Variants in MAOB observed in about 807,000 individuals in gnomAD.
The protein encoded by MAOB is amine oxidase [flavin-containing] B.
MAOB carries 15 observed loss-of-function variants against 41.9 expected under a neutral mutation model. That is an observed-to-expected ratio of 0.36 (90% CI 0.24 to 0.55). MAOB has a LOEUF of 0.55. Among genes scored for constraint, MAOB ranks in the 20% least tolerant of loss-of-function variants. The probability of loss-of-function intolerance (pLI) is 0.86; values close to 1 mark genes in which losing one functional copy is unlikely to be tolerated. For missense variants in MAOB, 345 were observed against 398.7 expected, an observed-to-expected ratio of 0.87 and a Z score of 1.15; for synonymous variants, 167 against 144.2, an observed-to-expected ratio of 1.16 and a Z score of -1.13.
intron 3 of MAOB, among the ~76,000 whole-genome samples, chrX:43,813,341 G>A (rs1267032625): frequency 8.9e-6 from 1 of 112,382 alleles, no homozygotes; most frequent in African/African-American, 3.2e-5. Context: ...ATAGGGTTGA[G>A]TAACTTGTCC....
At chrX:43,836,278 T>C (rs1260063944) in intron 3 of MAOB, among the ~76,000 whole-genome samples, 1 of 111,950 alleles carries the variant, frequency 8.9e-6, no homozygotes, top group Non-Finnish European at 1.9e-5. Flanking sequence ...AAGATGCTTT[T>C]TACAGGTCAA....
intron 3 of MAOB, among the ~76,000 whole-genome samples, chrX:43,813,305 C>A (rs1354120205): frequency 8.9e-6 from 1 of 112,216 alleles, no homozygotes; most frequent in Non-Finnish European, 1.9e-5. Context: ...CTGATAGTTT[C>A]ATCTTGCAGT....
rs770275161 is a variant in MAOB at position 43,767,661 on chromosome X, CT to C, written c.1411-44del. On this transcript the variant is annotated intron_variant, in intron 14 of 14. Transcript: ENST00000378069. ...TGGGTATTAGTACAGGGCTTGTGCA[CT>C]TTATTCCAGAAAGTCTGTACTTTCT... 3 of 1,141,318 alleles carry C rather than the reference CT, an allele frequency of 2.6e-6. No homozygotes were observed. The African/African-American group carries it at 5.4e-5, about 21-fold the overall frequency. 94.1% of individuals were successfully genotyped at this position (1,141,318 alleles called of 1,213,427 possible).
At chrX:43,878,417 T>TGTGC (rs2035453901) in intron 1 of MAOB, among the ~76,000 whole-genome samples, 1 of 107,484 alleles carries the variant, frequency 9.3e-6, no homozygotes, top group East Asian at 2.9e-4. Flanking sequence ...TTTGTGTGTG[T>TGTGC]GTGTGTGTGT....
intron 12 of MAOB, among the ~76,000 whole-genome samples, chrX:43,772,956 C>T (rs192887165): frequency 1.0e-3 from 115 of 112,223 alleles, no homozygotes; most frequent in African/African-American, 3.4e-3. Flanking sequence ...CAGATGCCAG[C>T]ACCATGCTTG....
intron 12 of MAOB, among the ~76,000 whole-genome samples, chrX:43,770,941 T>C (rs1166600451): frequency 8.9e-6 from 1 of 111,748 alleles, no homozygotes; most frequent in Non-Finnish European, 1.9e-5. Context: ...ATGCCATTAT[T>C]CATCCTGTCT....
chrX:43,811,928 T>A (rs888279112), intron 3 of MAOB, among the ~76,000 whole-genome samples: 52 of 111,366 alleles, frequency 4.7e-4, no homozygotes, highest in South Asian at 1.1e-3. Context: ...AAACAGTAGG[T>A]CTTATTCATT....
intron 1 of MAOB, among the ~76,000 whole-genome samples, chrX:43,848,352 G>C (rs1602024728): frequency 9.0e-6 from 1 of 111,649 alleles, no homozygotes; most frequent in African/African-American, 3.3e-5. Context: ...AAAGTTAATA[G>C]TCTTGAAAAT....
intron 3 of MAOB, among the ~76,000 whole-genome samples, chrX:43,826,285 G>A (rs916021901): frequency 8.9e-6 from 1 of 111,816 alleles, no homozygotes; most frequent in Non-Finnish European, 1.9e-5. Context: ...TTTTCCTGTA[G>A]GACTAGAGTG....
At position 43,795,763 on chromosome X, in the gene MAOB, C is replaced by G; in HGVS notation, c.744G>C (p.Glu248Asp). ...CCTCATACATCTCATGGTTTAGGGTCTCCACAAGGACATTTTCTCTTGTCT... is the reference window on the plus strand; with the variant it reads ...CCTCATACATCTCATGGTTTAGGGTGTCCACAAGGACATTTTCTCTTGTCT... ...IDQTRENVLVETLNHEMYEAK... is the reference protein window; with the variant it reads ...IDQTRENVLVDTLNHEMYEAK... Residue 248 changes from glutamate (E) to aspartate (D), a missense_variant, in exon 7 of 15, where the codon GAG becomes GAC. Transcript: ENST00000378069. The G allele has an allele frequency of 8.3e-7, 1 of 1,209,451 alleles. No individual in the cohort carries two copies. Among genetic ancestry groups the G allele is most frequent in the Admixed American group, 2.2e-5 (1 of 45,965 alleles).
intron 3 of MAOB, among the ~76,000 whole-genome samples, chrX:43,819,759 C>T (rs1408793564): frequency 5.4e-5 from 6 of 111,243 alleles, no homozygotes; most frequent in Non-Finnish European, 1.1e-4. Context: ...TCTTTTGGGG[C>T]GGAGATTGGT....
intron 12 of MAOB, among the ~76,000 whole-genome samples, chrX:43,770,422 ATCGTTGTTTCAG>A (rs2034167839): frequency 9.0e-6 from 1 of 111,387 alleles, no homozygotes; most frequent in Non-Finnish European, 1.9e-5. Flanking sequence ...CTGTCTGCTA[ATCGTTGTTTCAG>A]GGTCTGCTTC....
intron 1 of MAOB, among the ~76,000 whole-genome samples, chrX:43,860,198 G>C (rs905585368): frequency 9.0e-6 from 1 of 111,663 alleles, no homozygotes; most frequent in Non-Finnish European, 1.9e-5. Flanking sequence ...CTCCACTTTT[G>C]AGCCTCTTCT....
chrX:43,830,082 T>C (rs926251634), intron 3 of MAOB, among the ~76,000 whole-genome samples: 2 of 112,424 alleles, frequency 1.8e-5, no homozygotes, highest in African/African-American at 6.5e-5. Flanking sequence ...TTATAAAAAT[T>C]AGTTTCATCT....
At chrX:43,846,414 A>C (rs1394781570) in intron 1 of MAOB, among the ~76,000 whole-genome samples, 1 of 112,630 alleles carries the variant, frequency 8.9e-6, no homozygotes, top group Non-Finnish European at 1.9e-5. Context: ...TGTACCTTAA[A>C]CAATTATAAA....
At chrX:43,805,351 G>A (rs770195808) in intron 3 of MAOB, among the ~76,000 whole-genome samples, 2 of 111,314 alleles carry the variant, frequency 1.8e-5, no homozygotes, top group Non-Finnish European at 3.8e-5. Flanking sequence ...GCAATTTGGG[G>A]AGTTATGACA....
chrX:43,856,341 C>T (rs1394167667), intron 1 of MAOB, among the ~76,000 whole-genome samples: 2 of 112,630 alleles, frequency 1.8e-5, no homozygotes, highest in African/African-American at 6.5e-5. Flanking sequence ...GCCTTGGCCT[C>T]CCAAAGTGCT....
At chrX:43,821,175 A>G (rs1344958709) in intron 3 of MAOB, among the ~76,000 whole-genome samples, 1 of 112,044 alleles carries the variant, frequency 8.9e-6, no homozygotes, top group East Asian at 2.8e-4. Flanking sequence ...CTACCGTATG[A>G]ACTAGCAGAT....
chrX:43,827,025 AAAT>A (rs1273878434), intron 3 of MAOB, among the ~76,000 whole-genome samples: 1 of 111,975 alleles, frequency 8.9e-6, no homozygotes, highest in African/African-American at 3.2e-5. Context: ...GTGCTATAAA[AAAT>A]AATAAAGCAG....
Sources: gnomAD v4.1 joint callset for allele counts (sites outside exome capture counted in the v4.1 genomes callset) on GRCh38, gnomAD v4.1.1 for gene constraint, MANE v1.5 for transcripts, NCBI Gene and HGNC (gene_info 2026-07-23, HGNC 2026-07-21) for gene names.